Variants in ETFA observed in about 807,000 individuals in gnomAD.
ETFA encodes electron transfer flavoprotein subunit alpha, also known as electron transfer flavoprotein subunit alpha, mitochondrial.
ETFA carries 22 observed loss-of-function variants against 46.2 expected under a neutral mutation model. The ratio of observed to expected loss-of-function variants is 0.48; its 90% confidence interval spans 0.34 to 0.68. The LOEUF is 0.68. ETFA is among the 30% of genes least tolerant of loss of function. The pLI is 0.01. For missense variants in ETFA, 345 were observed against 401.1 expected (o/e 0.86, Z 1.19); for synonymous variants, 131 against 139.9 (o/e 0.94, Z 0.45).
chr15:76,291,972 G>A (rs2039768752), intron 4 of ETFA, among the ~76,000 whole-genome samples: 2 of 151,948 alleles, frequency 1.3e-5, no homozygotes, highest in African/African-American at 2.4e-5. Flanking sequence ...ACATCACAAT[G>A]CACATGATCA....
intron 2 of ETFA, among the ~76,000 whole-genome samples, chr15:76,293,646 C>T (rs1023544828): frequency 2.0e-5 from 3 of 152,200 alleles, no homozygotes; most frequent in Non-Finnish European, 2.9e-5. Flanking sequence ...GTCATACTAT[C>T]GTCTTCTGTC....
intron 1 of ETFA, among the ~76,000 whole-genome samples, chr15:76,301,089 T>C (rs1248398050): frequency 6.6e-6 from 1 of 152,340 alleles, no homozygotes; most frequent in South Asian, 2.1e-4. Context: ...TAATATCTCA[T>C]AGAGTTGTTG....
chr15:76,248,488 T>C (rs146614084), intron 9 of ETFA, among the ~76,000 whole-genome samples: 1,894 of 152,252 alleles, frequency 0.012, 25 homozygotes, highest in Non-Finnish European at 0.015. Context: ...AGGAATGATT[T>C]CTTAAATAAG....
intron 9 of ETFA, among the ~76,000 whole-genome samples, chr15:76,235,916 C>G (rs937576625): frequency 6.6e-6 from 1 of 152,168 alleles, no homozygotes; most frequent in Non-Finnish European, 1.5e-5. Flanking sequence ...GCTTTTAAAG[C>G]AGGTTTTAAT....
chr15:76,277,066 G>A (rs2039600369), intron 8 of ETFA, among the ~76,000 whole-genome samples: 1 of 152,172 alleles, frequency 6.6e-6, no homozygotes, highest in African/African-American at 2.4e-5. Flanking sequence ...TGGTGGTAAG[G>A]TGTTGGGGGA....
chr15:76,244,193 GTTTA>G (rs1275070479), intron 9 of ETFA, among the ~76,000 whole-genome samples: 1 of 152,168 alleles, frequency 6.6e-6, no homozygotes. Flanking sequence ...CCCTCAAAAT[GTTTA>G]TTTAAGAGAA....
intron 9 of ETFA, chr15:76,259,896 T>G: frequency 7.9e-7 from 1 of 1,259,880 alleles, no homozygotes; most frequent in Non-Finnish European, 1.2e-6. Flanking sequence ...AAGGGCAAGA[T>G]GACCACGGGG....
intron 11 of ETFA, among the ~76,000 whole-genome samples, chr15:76,220,681 T>A (rs1244153497): frequency 2.6e-5 from 4 of 152,088 alleles, no homozygotes; most frequent in Non-Finnish European, 5.9e-5. Context: ...TAAATAAACT[T>A]TCTCCAAACA....
intron 9 of ETFA, chr15:76,258,934 C>T: frequency 8.0e-7 from 1 of 1,252,102 alleles, no homozygotes; most frequent in Non-Finnish European, 1.2e-6. Flanking sequence ...TGTCAGCCAG[C>T]ACAGTGGCCA....
chr15:76,285,686 T>C lies in ETFA; in HGVS notation c.615A>G (p.Thr205=). ...EISEWLDQKL[T]KSDRPELTGA... ...CTGTTAGCTCTGGTCGATCACTTTT[T>C]GTTAATTTCTGGTCAAGCCACTCTG... Residue 205 remains threonine (T), a synonymous_variant, in exon 7 of 12, where the codon ACA becomes ACG. Coordinates refer to ENST00000557943, the MANE Select transcript of ETFA (RefSeq NM_000126.4). 8 of 1,613,234 alleles carry C rather than the reference T, an allele frequency of 5.0e-6. No individual in the cohort carries two copies. The highest frequency in any genetic ancestry group is 5.9e-6 in the Non-Finnish European group (7 of 1,179,204).
chr15:76,274,276 T>G, intron 9 of ETFA, 136 bp downstream of exon 9: 3 of 730,776 alleles, frequency 4.1e-6, no homozygotes, highest in African/African-American at 1.7e-5. Context: ...CTTGTGAAAA[T>G]GACATATTCA....
intron 4 of ETFA, among the ~76,000 whole-genome samples, chr15:76,290,613 C>G (rs912223229): frequency 6.6e-6 from 1 of 152,058 alleles, no homozygotes; most frequent in African/African-American, 2.4e-5. Context: ...GCTGGGATTA[C>G]AGGCGTCAGC....
chr15:76,295,957 T>TTTC (rs1185492825), intron 1 of ETFA, among the ~76,000 whole-genome samples: 1 of 114,728 alleles, frequency 8.7e-6, no homozygotes, highest in Non-Finnish European at 1.8e-5. Flanking sequence ...TTTTTTTTTT[T>TTTC]TTGAGATGGA....
intron 1 of ETFA, among the ~76,000 whole-genome samples, chr15:76,301,659 G>A (rs11857880): frequency 0.097 from 14,702 of 151,772 alleles, 877 homozygotes; most frequent in Middle Eastern, 0.15. Context: ...TCAGTGAGCC[G>A]AGATCACACC....
At chr15:76,284,163 T>C (rs560953054) in intron 7 of ETFA, among the ~76,000 whole-genome samples, 6 of 152,332 alleles carry the variant, frequency 3.9e-5, no homozygotes, top group Admixed American at 2.6e-4. Context: ...CTCAATAAAT[T>C]TCTCTGAATG....
At chr15:76,305,321 C>T (rs1448837098) in intron 1 of ETFA, among the ~76,000 whole-genome samples, 2 of 152,206 alleles carry the variant, frequency 1.3e-5, no homozygotes, top group Non-Finnish European at 2.9e-5. Context: ...GTATCTACCT[C>T]TCTGGCACAC....
chr15:76,240,236 T>C (rs2039171154), intron 9 of ETFA, among the ~76,000 whole-genome samples: 1 of 152,250 alleles, frequency 6.6e-6, no homozygotes, highest in African/African-American at 2.4e-5. Flanking sequence ...GGCCCTTATC[T>C]AGCCTCTGAA....
intron 9 of ETFA, among the ~76,000 whole-genome samples, chr15:76,237,635 T>C (rs961836489): frequency 6.6e-6 from 1 of 152,184 alleles, no homozygotes; most frequent in Admixed American, 6.5e-5. Flanking sequence ...ATTGTTGTGA[T>C]GATGAAAATA....
intron 11 of ETFA, among the ~76,000 whole-genome samples, chr15:76,220,047 T>C (rs974291988): frequency 3.9e-5 from 6 of 152,214 alleles, no homozygotes; most frequent in Admixed American, 3.9e-4. Context: ...CACTACACTA[T>C]AGATTAGGCA....
Sources: allele counts gnomAD v4.1 joint callset (sites outside exome capture counted in the v4.1 genomes callset), GRCh38; gene constraint gnomAD v4.1.1; transcripts MANE v1.5; gene names NCBI Gene and HGNC (gene_info 2026-07-23, HGNC 2026-07-21).